Variants in PRL observed in about 807,000 individuals in gnomAD.
The protein encoded by PRL is prolactin.
In PRL, 24 loss-of-function variants were observed where a neutral mutation model predicts 21.3. The ratio of observed to expected loss-of-function variants is 1.13; its 90% CI spans 0.82 to 1.59. The LOEUF (loss-of-function observed/expected upper bound fraction) is 1.59, where lower values mean the gene tolerates loss of function less well. PRL is among the 40% of genes most tolerant of loss of function. The pLI, the probability that PRL is intolerant of heterozygous loss-of-function variation, is 0.00. For synonymous variants in PRL, 118 were observed against 115.7 expected, an observed-to-expected ratio of 1.02 and a Z score of -0.13; for missense variants, 243 against 286.9, an observed-to-expected ratio of 0.85 and a Z score of 1.10.
Position 22,295,396 on chromosome 6 carries a change from C to A in PRL, c.29-812G>T, listed in dbSNP as rs534510131. 1.1e-4 allele frequency among the ~76,000 whole-genome samples: 17 copies of A among 152,242 alleles called. No individual in the cohort carries two copies. The South Asian group carries it at 2.1e-3, about 19-fold the overall frequency. On this transcript the variant is annotated intron_variant, in intron 1 of 4. Transcript: ENST00000306482. ...CGTCGTCTTGTCACATCGCGTACAC[C>A]TGTGGGCTGTCAATCTGCATCTGTG...
intron 3 of PRL, among the ~76,000 whole-genome samples, chr6:22,291,990 A>C (rs1434446885): frequency 6.6e-6 from 1 of 152,052 alleles, no homozygotes; most frequent in African/African-American, 2.4e-5. Flanking sequence ...TTGTGAGGGG[A>C]GTGGTGACTT....
At chr6:22,295,917 G>T (rs1247692157) in intron 1 of PRL, among the ~76,000 whole-genome samples, 2 of 152,218 alleles carry the variant, frequency 1.3e-5, no homozygotes, top group Non-Finnish European at 2.9e-5. Flanking sequence ...ATTGCTTAGT[G>T]TAGGAAGTGA....
chr6:22,298,632 T>C (rs937276031), upstream of PRL, among the ~76,000 whole-genome samples: 1 of 152,208 alleles, frequency 6.6e-6, no homozygotes, highest in Non-Finnish European at 1.5e-5. Context: ...TCAAATGTGA[T>C]GATTCATAGA....
chr6:22,297,152 C>T (rs1027206639), upstream of PRL: 4 of 639,814 alleles, frequency 6.3e-6, no homozygotes, highest in African/African-American at 1.8e-5. Flanking sequence ...GAGATTACCC[C>T]CATAATTTCA....
At chr6:22,300,722 C>T (rs570471753), upstream of PRL, among the ~76,000 whole-genome samples, 130 of 152,322 alleles carry the variant, frequency 8.5e-4, no homozygotes, top group Middle Eastern at 3.4e-3. Context: ...TCAGTGAATG[C>T]AAGTTCTTAA....
chr6:22,289,661 C>T (rs904059618), intron 4 of PRL, among the ~76,000 whole-genome samples: 4 of 152,166 alleles, frequency 2.6e-5, no homozygotes, highest in South Asian at 2.1e-4. Flanking sequence ...AACCTGTGTG[C>T]ACTGATGTCA....
Position 22,288,328 on chromosome 6 carries a change from GT to G in PRL, c.493-736del, listed in dbSNP as rs1435240047. Among the ~76,000 whole-genome samples, 1 of 152,016 alleles carries G rather than the reference GT, an allele frequency of 6.6e-6. No homozygotes were observed. Among genetic ancestry groups the G allele is most frequent in the Non-Finnish European group, 1.5e-5 (1 of 68,010 alleles). On this transcript the variant is annotated intron_variant, in intron 4 of 4. Coordinates refer to ENST00000306482, the MANE Select transcript of PRL (RefSeq NM_000948.6). The surrounding 1 kb of genome is among the most constrained non-coding windows in gnomAD (Gnocchi z 4.5). ...GCAGGTGGATCACTTGAGGTCAGGA[GT>G]TCAAGACCAGCCTGGCCAACATGGT...
rs774624798 is a variant in PRL, at chr6:22,296,965, C to A, written c.18G>T (p.Ser6=). The part of the protein sequence containing the change: MNIKG[S]PWKGSLLLLL... ...AGTTGTCACACATACCTTTCCATGG[C>A]GATCCTTTGATGTTCATGTTCGTGA... is the stretch of plus-strand genomic sequence containing the variant. Residue 6 remains serine, a synonymous_variant, in exon 1 of 5, where the codon TCG becomes TCT. Transcript: ENST00000306482. The A allele has an allele frequency of 1.9e-6, 3 of 1,613,994 alleles. No individual in the cohort carries two copies. Among genetic ancestry groups the A allele is most frequent in the Admixed American group, 1.7e-5 (1 of 59,988 alleles).
At position 22,287,388 on chromosome 6, in the gene PRL, A is replaced by C; in HGVS notation, c.*14T>G. On this transcript the variant is annotated 3_prime_UTR_variant, in exon 5 of 5. Transcript: ENST00000306482. ...TTAAGGACCTTCTCAGAAATAGATG[A>C]AATGGATGTGGGCTTAGCAGTTGTT... The C allele has an allele frequency of 1.2e-6, 2 of 1,600,216 alleles. No homozygotes were observed. Among genetic ancestry groups the C allele is most frequent in the Non-Finnish European group, 1.7e-6 (2 of 1,169,358 alleles).
At position 22,294,404 on chromosome 6, in the gene PRL, C is replaced by T; in HGVS notation, c.204+5G>A. 6.2e-7 allele frequency: 1 copy of T among 1,614,100 alleles called. No homozygotes were observed. The highest frequency in any genetic ancestry group is 8.5e-7 in the Non-Finnish European group (1 of 1,179,988). ...CAGGGAGGAAGCCAGAAGCATGGTA[C>T]TTACGAATTCGCTGAACATTTCTGA... On this transcript the variant is annotated splice_donor_5th_base_variant and intron_variant, in intron 2 of 4. Transcript: ENST00000306482.
At position 22,288,745 on chromosome 6, in the gene PRL, C is replaced by T. The variant is rs1426553163; in HGVS notation, c.493-1152G>A. Among the ~76,000 whole-genome samples, 1 of 152,146 alleles carries T rather than the reference C, an allele frequency of 6.6e-6. No homozygotes were observed. The highest frequency in any genetic ancestry group is 1.5e-5 in the Non-Finnish European group (1 of 68,022). ...ACCATTTTAGCAACTTTAGGGATGT[C>T]AGCTAGTTTGGAGAGTTATTAGGTA... On this transcript the variant is annotated intron_variant, in intron 4 of 4. Transcript: ENST00000306482. The surrounding 1 kb of genome is among the most constrained non-coding windows in gnomAD (Gnocchi z 4.5).
rs1221227856 is a variant in PRL, at chr6:22,288,921, TGCGC to T, written c.492+1249_492+1252del. ...GTGTGTGCGCGCGCGTGTGTGTGCGTGCGCGTGTGTGTGCATGTGTGTGTGCGTG... is the reference window on the plus strand; with the variant it reads ...GTGTGTGCGCGCGCGTGTGTGTGCGTGTGTGTGTGCATGTGTGTGTGCGTG... On this transcript the variant is annotated intron_variant, in intron 4 of 4. Transcript: ENST00000306482. This position sits in a 1 kb window ranked among gnomAD's most constrained non-coding sequence, Gnocchi z 4.5. Among the ~76,000 whole-genome samples the T allele has an allele frequency of 6.7e-6, 1 of 150,110 alleles. No individual in the cohort carries two copies. Among genetic ancestry groups the T allele is most frequent in the Non-Finnish European group, 1.5e-5 (1 of 67,406 alleles).
At chr6:22,295,099 T>C (rs1761147421) in intron 1 of PRL, among the ~76,000 whole-genome samples, 1 of 152,250 alleles carries the variant, frequency 6.6e-6, no homozygotes, top group African/African-American at 2.4e-5. Context: ...TTGCTAATAC[T>C]GAGTTTGAAA....
chr6:22,292,731 G>A, intron 2 of PRL, 86 bp from the exon 3 acceptor site: 2 of 1,055,352 alleles, frequency 1.9e-6, no homozygotes, highest in Non-Finnish European at 2.7e-6. Flanking sequence ...AATACCTTTG[G>A]CAGATGTGTA....
Position 22,287,401 on chromosome 6 carries a change from C to T in PRL, c.*1G>A, listed in dbSNP as rs200831376. 32 of 1,611,290 alleles carry T rather than the reference C, an allele frequency of 2.0e-5. 1 individual carries two copies. The Admixed American group carries it at 5.3e-4, about 27-fold the overall frequency. On this transcript the variant is annotated 3_prime_UTR_variant, in exon 5 of 5. Transcript: ENST00000306482. ...CAGAAATAGATGAAATGGATGTGGG[C>T]TTAGCAGTTGTTGTTGTGGATGATT...
At chr6:22,297,900 G>C (rs571985767), upstream of PRL, among the ~76,000 whole-genome samples, 1 of 152,308 alleles carries the variant, frequency 6.6e-6, no homozygotes, top group East Asian at 1.9e-4. Flanking sequence ...TTAAATGAAG[G>C]AACAATTATT....
rs532241296 is a variant in PRL at position 22,290,128 on chromosome 6, G to A, written c.492+46C>T. Reference sequence around the variant, plus strand: ...AATATTTATCATCACAGAGGTCACCGCTTATATTAATGAGAAAAACAAAGA... The same window carrying A: ...AATATTTATCATCACAGAGGTCACCACTTATATTAATGAGAAAAACAAAGA... On this transcript the variant is annotated intron_variant, in intron 4 of 4. Transcript: ENST00000306482. 26 of 1,461,160 alleles carry A rather than the reference G, an allele frequency of 1.8e-5. No homozygotes were observed. In the East Asian group the frequency reaches 3.9e-4, roughly 22 times the overall value. 90.5% of individuals were successfully genotyped at this position (1,461,160 alleles called of 1,614,324 possible). A position where few individuals can be genotyped will look rare whatever the true frequency, so the allele number is the denominator to read the frequency against.
intron 1 of PRL, among the ~76,000 whole-genome samples, 179 bp from the exon 2 acceptor site, chr6:22,294,763 ATTATGT>A (rs1761140087): frequency 1.3e-5 from 2 of 152,302 alleles, no homozygotes; most frequent in East Asian, 3.9e-4. Flanking sequence ...TAGATATATA[ATTATGT>A]TTGCACAGAT....
chr6:22,289,162 T>A (rs1158240238), intron 4 of PRL, among the ~76,000 whole-genome samples: 2 of 152,014 alleles, frequency 1.3e-5, no homozygotes, highest in Non-Finnish European at 2.9e-5. Context: ...ATGAAGAAAA[T>A]AACTGGAAAA....
Sources: gnomAD v4.1 joint callset for allele counts (sites outside exome capture counted in the v4.1 genomes callset) on GRCh38, gnomAD v4.1.1 for gene constraint, Gnocchi (gnomAD v3.1) non-coding constraint, MANE v1.5 for transcripts, NCBI Gene and HGNC (gene_info 2026-07-23, HGNC 2026-07-21) for gene names.